ILRUN: variants seen among roughly 807,000 people sequenced by gnomAD.
ILRUN encodes inflammation and lipid regulator with UBA-like and NBR1-like domains, also known as protein ILRUN.
In ILRUN, 3 loss-of-function variants were observed where a neutral mutation model predicts 33.8. That is an observed-to-expected ratio of 0.09 (90% confidence interval 0.04 to 0.23). ILRUN has a LOEUF of 0.23. Ranked by LOEUF, ILRUN falls within the 10% of genes least tolerant of loss-of-function variation. The probability of loss-of-function intolerance (pLI) is 1.00; values close to 1 mark genes in which losing one functional copy is unlikely to be tolerated. For synonymous variants in ILRUN, 124 were observed against 138.9 expected (o/e 0.89, Z 0.75); for missense variants, 210 against 375.1 (o/e 0.56, Z 3.64).
chr6:34,686,143 A>C (rs981514949), intron 1 of ILRUN, among the ~76,000 whole-genome samples: 3 of 152,186 alleles, frequency 2.0e-5, no homozygotes, highest in Admixed American at 6.5e-5. Flanking sequence ...AAGACAGCCT[A>C]CAGAATGGGA....
intron 1 of ILRUN, among the ~76,000 whole-genome samples, chr6:34,682,264 T>TGTTTTGTTTTG (rs748514396): frequency 2.1e-4 from 29 of 137,866 alleles, no homozygotes; most frequent in South Asian, 9.4e-4. Flanking sequence ...TTTTTTTTTT[T>TGTTTTGTTTTG]TTTTTTTTTT....
intron 1 of ILRUN, among the ~76,000 whole-genome samples, chr6:34,683,506 A>AGG (rs1490528143): frequency 9.9e-6 from 1 of 100,946 alleles, no homozygotes; most frequent in African/African-American, 5.8e-5. Context: ...ATACATATAT[A>AGG]TATATATACA....
chr6:34,591,854 T>C lies in ILRUN; in HGVS notation c.862-1254A>G, dbSNP rs568488333. ...GGCAGAGCCAAGATTCAAATCCAAA[T>C]TTGATGGACTGCAGTATTCCTTCTT... On this transcript the variant is annotated intron_variant, in intron 4 of 4. Transcript: ENST00000374023. Among the ~76,000 whole-genome samples, 21 of 152,276 alleles carry C rather than the reference T, an allele frequency of 1.4e-4. No individual in the cohort carries two copies. In the South Asian group the frequency reaches 4.4e-3, roughly 32 times the overall value.
At chr6:34,594,749 T>C (rs554088318) in intron 4 of ILRUN, among the ~76,000 whole-genome samples, 23 of 152,362 alleles carry the variant, frequency 1.5e-4, no homozygotes, top group African/African-American at 5.5e-4. Flanking sequence ...CTCACCAGTG[T>C]TGGGGAAGAG....
intron 1 of ILRUN, among the ~76,000 whole-genome samples, chr6:34,673,904 T>TACACACACACACACACACAC (rs370280008): frequency 2.7e-5 from 3 of 113,002 alleles, no homozygotes; most frequent in African/African-American, 7.1e-5. Flanking sequence ...AACAACCACA[T>TACACACACACACACACACAC]ACACACACAC....
At chr6:34,637,058 A>G (rs1344018393) in intron 3 of ILRUN, among the ~76,000 whole-genome samples, 2 of 152,164 alleles carry the variant, frequency 1.3e-5, no homozygotes, top group African/African-American at 4.8e-5. Flanking sequence ...CAGTGGCTCT[A>G]CCTCTCTCCC....
At chr6:34,606,354 A>G (rs899568782) in intron 4 of ILRUN, among the ~76,000 whole-genome samples, 3 of 152,196 alleles carry the variant, frequency 2.0e-5, no homozygotes, top group African/African-American at 7.2e-5. Flanking sequence ...GGATGAAGCA[A>G]CATCCACAGG....
At chr6:34,600,014 A>G (rs1761476006) in intron 4 of ILRUN, among the ~76,000 whole-genome samples, 1 of 152,062 alleles carries the variant, frequency 6.6e-6, no homozygotes, top group Non-Finnish European at 1.5e-5. Context: ...GCTGCCACCA[A>G]CCTGATCTGA....
chr6:34,613,144 G>A (rs186871332), intron 3 of ILRUN, among the ~76,000 whole-genome samples: 1 of 152,128 alleles, frequency 6.6e-6, no homozygotes, highest in Non-Finnish European at 1.5e-5. Flanking sequence ...CTAAGAGGAG[G>A]TGGAGGTTGC....
chr6:34,637,840 T>TGC (rs1562012535), intron 3 of ILRUN, among the ~76,000 whole-genome samples: 4 of 121,014 alleles, frequency 3.3e-5, no homozygotes, highest in African/African-American at 1.6e-4. Context: ...ATTGCTGTTG[T>TGC]TGTTGCTGCT....
rs78999036 is a variant in ILRUN at position 34,627,328 on chromosome 6, C to T, written c.511+19273G>A. ...AACTAAAGGTCTTCTTCACTGCATC[C>T]AAATTTTGGCAATTATAGATAAAGT... is the stretch of plus-strand genomic sequence containing the variant. On this transcript the variant is annotated intron_variant, in intron 3 of 4. Transcript: ENST00000374023. Among the ~76,000 whole-genome samples the T allele has an allele frequency of 4.3e-3, 650 of 152,246 alleles. 5 individuals are homozygous for T. The highest frequency in any genetic ancestry group is 0.015 in the African/African-American group (606 of 41,528).
chr6:34,616,915 G>A (rs1761902861), intron 3 of ILRUN: 1 of 609,702 alleles, frequency 1.6e-6, no homozygotes, highest in Non-Finnish European at 3.1e-6. Context: ...ACATGCTGAG[G>A]ATTGTAGAAC....
intron 4 of ILRUN, among the ~76,000 whole-genome samples, chr6:34,598,303 C>T (rs1307087978): frequency 2.0e-5 from 3 of 152,232 alleles, no homozygotes; most frequent in African/African-American, 7.2e-5. Context: ...TCCCATTTAT[C>T]CTGAGATACA....
chr6:34,687,708 AATAT>A (rs202128580), intron 1 of ILRUN, among the ~76,000 whole-genome samples: 1 of 143,340 alleles, frequency 7.0e-6, no homozygotes. Flanking sequence ...CAAAAAAAAA[AATAT>A]ATATATATAT....
Position 34,630,547 on chromosome 6 carries a change from C to A in ILRUN, c.511+16054G>T, listed in dbSNP as rs555212055. Among the ~76,000 whole-genome samples the A allele has an allele frequency of 5.6e-4, 86 of 152,264 alleles. 1 individual carries two copies. The highest frequency in any genetic ancestry group is 6.5e-4 in the Non-Finnish European group (44 of 68,022). On this transcript the variant is annotated intron_variant, in intron 3 of 4. Transcript: ENST00000374023. Reference sequence around the variant, plus strand: ...TACAGGCACGTACCACCATACCCAGCTAATTTTTGTATTTTTAATAGAGAT... The same window carrying A: ...TACAGGCACGTACCACCATACCCAGATAATTTTTGTATTTTTAATAGAGAT...
intron 1 of ILRUN, among the ~76,000 whole-genome samples, chr6:34,678,460 C>T (rs764616132): frequency 2.6e-5 from 4 of 152,152 alleles, no homozygotes; most frequent in Admixed American, 2.6e-4. Flanking sequence ...TTTCATCACT[C>T]AGAAAATGAG....
chr6:34,611,222 C>T (rs1165881356), intron 3 of ILRUN, among the ~76,000 whole-genome samples: 2 of 151,618 alleles, frequency 1.3e-5, no homozygotes, highest in Admixed American at 6.6e-5. Flanking sequence ...ATTGGGATTA[C>T]AGGCATAAGC....
intron 1 of ILRUN, among the ~76,000 whole-genome samples, chr6:34,690,031 T>C (rs1490418010): frequency 6.6e-6 from 1 of 152,074 alleles, no homozygotes; most frequent in Non-Finnish European, 1.5e-5. Flanking sequence ...TATCTACTGC[T>C]ATACTGAGAA....
At chr6:34,692,694 G>GGAGA (rs944997571) in intron 1 of ILRUN, among the ~76,000 whole-genome samples, 2 of 152,030 alleles carry the variant, frequency 1.3e-5, no homozygotes, top group African/African-American at 4.8e-5. Context: ...CAACACTTTG[G>GGAGA]GAGACTAAGG....
Sources: gnomAD v4.1 joint callset for allele counts (sites outside exome capture counted in the v4.1 genomes callset) on GRCh38, gnomAD v4.1.1 for gene constraint, MANE v1.5 for transcripts, NCBI Gene and HGNC (gene_info 2026-07-23, HGNC 2026-07-21) for gene names.